PTPRA: variants seen among roughly 807,000 people sequenced by gnomAD.
PTPRA encodes receptor-type tyrosine-protein phosphatase alpha.
Under a neutral mutation model 104.8 loss-of-function variants are expected in PTPRA, and 25 were observed. That is an observed-to-expected ratio of 0.24 (90% CI 0.17 to 0.33). The LOEUF (loss-of-function observed/expected upper bound fraction) is 0.33. Among genes scored for constraint, PTPRA ranks in the 10% least tolerant of loss-of-function variants. The probability of loss-of-function intolerance (pLI) is 1.00; values close to 1 mark genes in which losing one functional copy is unlikely to be tolerated. For missense variants in PTPRA, 765 were observed against 1,015.3 expected (o/e 0.75, Z 3.35); for synonymous variants, 323 against 368.9 (o/e 0.88, Z 1.43).
intron 5 of PTPRA, among the ~76,000 whole-genome samples, chr20:2,970,389 A>G (rs1284141791): frequency 6.6e-6 from 1 of 152,232 alleles, no homozygotes; most frequent in Non-Finnish European, 1.5e-5. Flanking sequence ...GAATTGTTAA[A>G]CTTGGGGATC....
chr20:2,987,417 A>G (rs2062954562), intron 7 of PTPRA, among the ~76,000 whole-genome samples: 2 of 151,820 alleles, frequency 1.3e-5, no homozygotes, highest in Admixed American at 1.3e-4. Flanking sequence ...CCCAAGGGAG[A>G]GAAGAGGGTG....
chr20:3,011,041 T>A (rs973753328), intron 11 of PTPRA, among the ~76,000 whole-genome samples: 2 of 152,276 alleles, frequency 1.3e-5, no homozygotes, highest in African/African-American at 2.4e-5. Flanking sequence ...ATGTTAAGGC[T>A]GTTAAGCAGC....
At chr20:2,923,690 T>G (rs200888072) in intron 2 of PTPRA, among the ~76,000 whole-genome samples, 2 of 152,066 alleles carry the variant, frequency 1.3e-5, no homozygotes, top group Non-Finnish European at 2.9e-5. Flanking sequence ...TCCCAGCTAC[T>G]CGGGAGGCTG....
intron 2 of PTPRA, among the ~76,000 whole-genome samples, chr20:2,935,142 C>A (rs1056364357): frequency 6.6e-6 from 1 of 152,108 alleles, no homozygotes; most frequent in Non-Finnish European, 1.5e-5. Flanking sequence ...TTCAGTATTT[C>A]CCCAATTCCC....
At chr20:2,928,939 C>A (rs1018375857) in intron 2 of PTPRA, among the ~76,000 whole-genome samples, 4 of 151,488 alleles carry the variant, frequency 2.6e-5, no homozygotes, top group African/African-American at 9.7e-5. Context: ...AAGCAATCCT[C>A]CCACCTCAGC....
At chr20:2,968,887 T>C (rs947241844) in intron 5 of PTPRA, among the ~76,000 whole-genome samples, 6 of 151,718 alleles carry the variant, frequency 4.0e-5, no homozygotes, top group Non-Finnish European at 7.4e-5. Flanking sequence ...CGTACTCCAG[T>C]CTGGGCAACA....
At chr20:3,024,387 G>C (rs1351966681) in intron 16 of PTPRA, 85 bp from the exon 17 acceptor site, 2 of 1,350,922 alleles carry the variant, frequency 1.5e-6, no homozygotes, top group African/African-American at 1.5e-5. Context: ...AAATGGACTG[G>C]AGTGAAGTGG....
At chr20:2,876,693 G>A (rs1227253709) in intron 1 of PTPRA, among the ~76,000 whole-genome samples, 3 of 152,164 alleles carry the variant, frequency 2.0e-5, no homozygotes, top group African/African-American at 7.2e-5. Flanking sequence ...TATGCTTTTA[G>A]AAGTAGAATT....
At chr20:2,946,763 G>A (rs1453028347) in intron 2 of PTPRA, among the ~76,000 whole-genome samples, 1 of 151,770 alleles carries the variant, frequency 6.6e-6, no homozygotes, top group East Asian at 1.9e-4. Flanking sequence ...CAGGAGAATC[G>A]CTTGAACCCG....
At chr20:2,905,423 T>C (rs1157566082) in intron 1 of PTPRA, among the ~76,000 whole-genome samples, 1 of 152,204 alleles carries the variant, frequency 6.6e-6, no homozygotes, top group East Asian at 1.9e-4. Context: ...CGTCTCTCAC[T>C]AGTTGAATTT....
At chr20:2,869,501 C>G (rs1198789085), upstream of PTPRA, among the ~76,000 whole-genome samples, 2 of 152,170 alleles carry the variant, frequency 1.3e-5, no homozygotes, top group Non-Finnish European at 2.9e-5. Context: ...GTGTGAGATG[C>G]CTTCTGCCCT....
intron 1 of PTPRA, among the ~76,000 whole-genome samples, chr20:2,910,872 T>A (rs1415653852): frequency 6.6e-6 from 1 of 151,176 alleles, no homozygotes; most frequent in East Asian, 1.9e-4. Flanking sequence ...CCCAAAGTGC[T>A]GGGATCACAG....
chr20:2,968,693 C>T (rs2062036805), intron 5 of PTPRA, among the ~76,000 whole-genome samples: 1 of 152,026 alleles, frequency 6.6e-6, no homozygotes, highest in Non-Finnish European at 1.5e-5. Flanking sequence ...GCAGGAGGAT[C>T]GCTTAAGCCC....
intron 2 of PTPRA, among the ~76,000 whole-genome samples, chr20:2,944,453 G>A (rs2061049323): frequency 6.6e-6 from 1 of 152,158 alleles, no homozygotes; most frequent in African/African-American, 2.4e-5. Context: ...CTTGTTGATT[G>A]GGCCTCTCTC....
intron 2 of PTPRA, among the ~76,000 whole-genome samples, chr20:2,931,729 TG>T (rs1239970850): frequency 6.6e-6 from 1 of 151,876 alleles, no homozygotes; most frequent in East Asian, 1.9e-4. Flanking sequence ...TGTGTGTGTG[TG>T]TGTGTGTGTG....
intron 1 of PTPRA, among the ~76,000 whole-genome samples, chr20:2,897,720 T>C (rs2059065566): frequency 1.3e-5 from 2 of 152,032 alleles, no homozygotes; most frequent in Non-Finnish European, 2.9e-5. Context: ...AGGAAAAGCT[T>C]TCTCTCTCTG....
chr20:2,924,753 T>C (rs2060230769), intron 2 of PTPRA, among the ~76,000 whole-genome samples: 1 of 152,172 alleles, frequency 6.6e-6, no homozygotes, highest in African/African-American at 2.4e-5. Flanking sequence ...TGATCTCAGC[T>C]CACTGCAACC....
intron 6 of PTPRA, among the ~76,000 whole-genome samples, chr20:2,985,272 G>A (rs1209086386): frequency 6.6e-6 from 1 of 152,234 alleles, no homozygotes; most frequent in African/African-American, 2.4e-5. Flanking sequence ...AGGAGAACCT[G>A]AAGGTAAGGA....
chr20:2,967,790 G>A (rs1347626988), intron 5 of PTPRA, among the ~76,000 whole-genome samples: 1 of 152,170 alleles, frequency 6.6e-6, no homozygotes, highest in Non-Finnish European at 1.5e-5. Context: ...AAGCCCAGGA[G>A]GTTGAGGCTG....
Sources: gnomAD v4.1 joint callset for allele counts (sites outside exome capture counted in the v4.1 genomes callset) on GRCh38, gnomAD v4.1.1 for gene constraint, MANE v1.5 for transcripts, NCBI Gene and HGNC (gene_info 2026-07-23, HGNC 2026-07-21) for gene names.